The following ATXN1 variants were observed in gnomAD, a reference collection of about 807,000 sequenced individuals.
ATXN1 encodes the protein ataxin 1.
In ATXN1, 8 loss-of-function variants were observed where a neutral mutation model predicts 56.4. That is an observed-to-expected ratio of 0.14 (90% CI 0.08 to 0.26). The LOEUF is 0.26. Ranked by LOEUF, ATXN1 falls within the 10% of genes least tolerant of loss-of-function variation. ATXN1 has a pLI of 1.00. For synonymous variants in ATXN1, 514 were observed against 494.6 expected, an observed-to-expected ratio of 1.04 and a Z score of -0.52; for missense variants, 987 against 1,106.5, an observed-to-expected ratio of 0.89 and a Z score of 1.53.
At chr6:16,751,831 G>C (rs1213662133) in intron 2 of ATXN1, among the ~76,000 whole-genome samples, 1 of 152,184 alleles carries the variant, frequency 6.6e-6, no homozygotes, top group East Asian at 1.9e-4. Context: ...TTACTTGATA[G>C]CATCTGTTAA....
intron 2 of ATXN1, among the ~76,000 whole-genome samples, chr6:16,682,477 G>A (rs1211691985): frequency 6.6e-6 from 1 of 152,124 alleles, no homozygotes; most frequent in Non-Finnish European, 1.5e-5. Context: ...GATTACAGGT[G>A]TGAGCCACCG....
intron 7 of ATXN1, among the ~76,000 whole-genome samples, chr6:16,322,031 G>A (rs569975645): frequency 1.3e-5 from 2 of 152,246 alleles, no homozygotes; most frequent in Admixed American, 6.5e-5. Flanking sequence ...AGACCAGCAC[G>A]GGCAAGATAG....
At chr6:16,729,467 G>A (rs1004243393) in intron 2 of ATXN1, among the ~76,000 whole-genome samples, 49 of 152,264 alleles carry the variant, frequency 3.2e-4, no homozygotes, top group African/African-American at 1.1e-3. Flanking sequence ...CTGGGACTCC[G>A]GAGTCAAGCT....
chr6:16,346,433 T>C (rs1393748903), intron 6 of ATXN1, among the ~76,000 whole-genome samples: 2 of 152,168 alleles, frequency 1.3e-5, no homozygotes, highest in African/African-American at 2.4e-5. Context: ...CAGTAATCCT[T>C]GGACATGCAG....
chr6:16,425,102 A>G (rs1759122369), intron 6 of ATXN1, among the ~76,000 whole-genome samples: 1 of 152,210 alleles, frequency 6.6e-6, no homozygotes. Flanking sequence ...AATGCTACCA[A>G]ACACTAGATC....
At chr6:16,529,779 A>G (rs1013112716) in intron 4 of ATXN1, among the ~76,000 whole-genome samples, 1 of 152,190 alleles carries the variant, frequency 6.6e-6, no homozygotes, top group Middle Eastern at 3.2e-3. Context: ...TTACTATGGC[A>G]TGATGTACAT....
intron 5 of ATXN1, among the ~76,000 whole-genome samples, chr6:16,498,202 T>C (rs2113670611): frequency 6.6e-6 from 1 of 152,294 alleles, no homozygotes. Flanking sequence ...TCTAAGGAGT[T>C]GTCTATTCTG....
chr6:16,702,699 A>G (rs183043691), intron 2 of ATXN1, among the ~76,000 whole-genome samples: 19 of 152,378 alleles, frequency 1.2e-4, no homozygotes, highest in Admixed American at 1.2e-3. Flanking sequence ...ACTTCTCAAA[A>G]GAAGACATTT....
At chr6:16,539,225 G>T (rs912559293) in intron 4 of ATXN1, among the ~76,000 whole-genome samples, 3 of 152,044 alleles carry the variant, frequency 2.0e-5, no homozygotes, top group Non-Finnish European at 4.4e-5. Flanking sequence ...TTATAACAAG[G>T]GTTTTTTTGC....
At chr6:16,418,779 T>C (rs540583356) in intron 6 of ATXN1, among the ~76,000 whole-genome samples, 79 of 141,036 alleles carry the variant, frequency 5.6e-4, no homozygotes, top group Non-Finnish European at 8.6e-4. Context: ...TGTGTTCTCA[T>C]TGTTCAATTC....
At chr6:16,537,082 G>T (rs1761615648) in intron 4 of ATXN1, among the ~76,000 whole-genome samples, 1 of 149,340 alleles carries the variant, frequency 6.7e-6, no homozygotes, top group African/African-American at 2.5e-5. Context: ...TGAAATAGGA[G>T]TTAATTAAAA....
chr6:16,444,958 A>T (rs541414966), intron 6 of ATXN1, among the ~76,000 whole-genome samples: 2 of 152,306 alleles, frequency 1.3e-5, no homozygotes, highest in East Asian at 3.9e-4. Context: ...GCAACACCAC[A>T]TGGAGGCAAT....
chr6:16,691,411 G>T (rs991806661), intron 2 of ATXN1, among the ~76,000 whole-genome samples: 3 of 152,210 alleles, frequency 2.0e-5, no homozygotes, highest in African/African-American at 2.4e-5. Context: ...ACAGTTTTCT[G>T]TAAAGGAAAA....
At chr6:16,657,730 G>A (rs905685008) in intron 3 of ATXN1, 46 bp downstream of exon 3, 10 of 152,314 alleles carry the variant, frequency 6.6e-5, no homozygotes, top group East Asian at 3.9e-4. Flanking sequence ...AGTGATGCCC[G>A]ATGACATTTA....
intron 4 of ATXN1, among the ~76,000 whole-genome samples, 181 bp from the exon 5 acceptor site, chr6:16,522,869 T>C (rs1220982804): frequency 6.6e-6 from 1 of 152,170 alleles, no homozygotes; most frequent in African/African-American, 2.4e-5. Flanking sequence ...ATATGAATTT[T>C]AAAAGCAGAG....
intron 6 of ATXN1, among the ~76,000 whole-genome samples, chr6:16,392,140 A>G (rs1270897102): frequency 6.6e-6 from 1 of 152,206 alleles, no homozygotes; most frequent in African/African-American, 2.4e-5. Flanking sequence ...TGGCAGCAGA[A>G]ATGGCACTAG....
At chr6:16,630,740 A>C (rs570868303) in intron 3 of ATXN1, among the ~76,000 whole-genome samples, 91 of 152,380 alleles carry the variant, frequency 6.0e-4, no homozygotes, top group African/African-American at 2.1e-3. Flanking sequence ...AGAGATAATG[A>C]TACTTGTCAG....
intron 3 of ATXN1, among the ~76,000 whole-genome samples, chr6:16,607,731 C>A (rs1184509205): frequency 3.3e-5 from 5 of 152,186 alleles, no homozygotes; most frequent in Admixed American, 3.3e-4. Context: ...TCCCCAAATT[C>A]CTAAAGATGG....
At chr6:16,401,913 C>T (rs546012068) in intron 6 of ATXN1, among the ~76,000 whole-genome samples, 1 of 152,288 alleles carries the variant, frequency 6.6e-6, no homozygotes, top group South Asian at 2.1e-4. Context: ...ATTGGACTTA[C>T]AGTTCCACAT....
Sources: allele counts gnomAD v4.1 joint callset (sites outside exome capture counted in the v4.1 genomes callset), GRCh38; gene constraint gnomAD v4.1.1; transcripts MANE v1.5; gene names NCBI Gene and HGNC (gene_info 2026-07-23, HGNC 2026-07-21).